Variants in TLE4 observed in about 807,000 individuals in gnomAD.
TLE4 encodes transducin-like enhancer protein 4.
A neutral mutation model predicts 92.8 loss-of-function variants in TLE4; 8 were observed. The observed-to-expected ratio is 0.09, with a 90% CI of 0.05 to 0.16. TLE4 has a LOEUF of 0.16. Ranked by LOEUF, TLE4 falls within the 10% of genes least tolerant of loss-of-function variation. The pLI is 1.00. For synonymous variants in TLE4, 371 were observed against 374.1 expected (o/e 0.99, Z 0.10); for missense variants, 675 against 997.6 (o/e 0.68, Z 4.36).
chr9:79,657,664 G>A (rs2059959773), intron 8 of TLE4, among the ~76,000 whole-genome samples: 2 of 152,160 alleles, frequency 1.3e-5, no homozygotes, highest in African/African-American at 4.8e-5. Flanking sequence ...ATGATTCAGA[G>A]CTGTGAAGGC....
At chr9:79,610,446 G>A (rs553380498) in intron 4 of TLE4, among the ~76,000 whole-genome samples, 35 of 152,158 alleles carry the variant, frequency 2.3e-4, no homozygotes, top group Admixed American at 4.6e-4. Flanking sequence ...CAAAAGAGGC[G>A]AAATTAGATG....
At chr9:79,669,824 C>G (rs1004701118) in intron 8 of TLE4, among the ~76,000 whole-genome samples, 2 of 152,090 alleles carry the variant, frequency 1.3e-5, no homozygotes, top group East Asian at 1.9e-4. Flanking sequence ...GCATCTTAAT[C>G]CTAGAGAGCA....
chr9:79,658,154 G>A (rs1465262434), intron 8 of TLE4, among the ~76,000 whole-genome samples: 1 of 152,092 alleles, frequency 6.6e-6, no homozygotes, highest in Non-Finnish European at 1.5e-5. Context: ...CATTTTTAGT[G>A]ACTTGTGCAG....
intron 4 of TLE4, among the ~76,000 whole-genome samples, chr9:79,595,849 C>CTTTTTTT (rs746656900): frequency 7.2e-6 from 1 of 138,596 alleles, no homozygotes; most frequent in African/African-American, 2.6e-5. Flanking sequence ...TTGCCATCTA[C>CTTTTTTT]TTTTTTTTTT....
chr9:79,650,897 T>C (rs1379747711), intron 6 of TLE4, among the ~76,000 whole-genome samples: 2 of 152,120 alleles, frequency 1.3e-5, no homozygotes, highest in African/African-American at 2.4e-5. Context: ...ACTTGGACTT[T>C]TGTAGTCAAA....
Position 79,707,251 on chromosome 9 carries a change from G to A in TLE4, c.936+352G>A, listed in dbSNP as rs141183833. 2.4e-4 allele frequency: 373 copies of A among 1,573,318 alleles called. No individual in the cohort carries two copies. In the African/African-American group the frequency reaches 4.5e-3, roughly 19 times the overall value. Reference sequence around the variant, plus strand: ...TAGTTTGGGGCTTGAATGTGATTTTGTTGCTAGCTTTGTTTGAATTACCAA... The same window carrying A: ...TAGTTTGGGGCTTGAATGTGATTTTATTGCTAGCTTTGTTTGAATTACCAA... On this transcript the variant is annotated intron_variant, in intron 11 of 19. Transcript: ENST00000376552.
At chr9:79,607,177 G>A (rs1262157078) in intron 4 of TLE4, among the ~76,000 whole-genome samples, 2 of 152,114 alleles carry the variant, frequency 1.3e-5, no homozygotes, top group African/African-American at 2.4e-5. Flanking sequence ...CTTCTTTTGC[G>A]AAGTGTCTGT....
intron 9 of TLE4, 114 bp from the exon 10 acceptor site, chr9:79,705,775 C>G: frequency 9.7e-7 from 1 of 1,033,122 alleles, no homozygotes; most frequent in East Asian, 2.4e-5. Context: ...GTATTTAACA[C>G]TGTTTGGTAC....
intron 6 of TLE4, among the ~76,000 whole-genome samples, chr9:79,635,906 G>T (rs1176567679): frequency 6.6e-6 from 1 of 152,104 alleles, no homozygotes; most frequent in Non-Finnish European, 1.5e-5. Context: ...TGAAGGGAAA[G>T]GGTCTAAGCT....
rs184788843 is a variant in TLE4, at chr9:79,697,728, G to A, written c.610-7055G>A. ...TTGATATCTTATAAATTATTAGAGC[G>A]TTTTATACTGACCAAGCAATACATA... On this transcript the variant is annotated intron_variant, in intron 8 of 19. Coordinates refer to ENST00000376552, the MANE Select transcript of TLE4 (RefSeq NM_007005.6). 4.7e-4 allele frequency among the ~76,000 whole-genome samples: 71 copies of A among 151,760 alleles called. No homozygotes were observed. In the East Asian group the frequency reaches 9.7e-3, roughly 21 times the overall value.
chr9:79,664,781 G>A (rs965388666), intron 8 of TLE4, among the ~76,000 whole-genome samples: 2 of 152,024 alleles, frequency 1.3e-5, no homozygotes, highest in Admixed American at 1.3e-4. Context: ...TACAGACTGT[G>A]TTCAGTTCCT....
chr9:79,676,450 T>G (rs2063272332), intron 8 of TLE4, among the ~76,000 whole-genome samples: 1 of 152,146 alleles, frequency 6.6e-6, no homozygotes, highest in Non-Finnish European at 1.5e-5. Context: ...AACACTGGAA[T>G]CAAGTTTTCT....
At chr9:79,644,300 C>T (rs1285826087) in intron 6 of TLE4, among the ~76,000 whole-genome samples, 17 of 152,066 alleles carry the variant, frequency 1.1e-4, no homozygotes, top group Admixed American at 1.1e-3. Context: ...CTGAGGCCTC[C>T]CCAGCCGTGC....
intron 7 of TLE4, among the ~76,000 whole-genome samples, chr9:79,653,202 A>G (rs2059287824): frequency 6.6e-6 from 1 of 152,230 alleles, no homozygotes; most frequent in Admixed American, 6.5e-5. Context: ...TATTATTTAT[A>G]AACAAATGAG....
chr9:79,588,444 C>G (rs930406953), intron 4 of TLE4, among the ~76,000 whole-genome samples: 1 of 152,130 alleles, frequency 6.6e-6, no homozygotes, highest in Non-Finnish European at 1.5e-5. Flanking sequence ...CCACCGCGCC[C>G]GGCCTATCCT....
At chr9:79,586,454 G>C (rs2041133453) in intron 4 of TLE4, among the ~76,000 whole-genome samples, 1 of 152,188 alleles carries the variant, frequency 6.6e-6, no homozygotes, top group Non-Finnish European at 1.5e-5. Context: ...TGTGCAAAGG[G>C]ACTATGTAGC....
At chr9:79,606,211 T>G (rs1473695936) in intron 4 of TLE4, among the ~76,000 whole-genome samples, 2 of 128,970 alleles carry the variant, frequency 1.6e-5, no homozygotes, top group African/African-American at 5.7e-5. Flanking sequence ...TTTTTTTTTT[T>G]TTTTTTTTTT....
intron 4 of TLE4, among the ~76,000 whole-genome samples, chr9:79,599,223 T>A (rs1187131919): frequency 6.6e-6 from 1 of 152,194 alleles, no homozygotes; most frequent in Non-Finnish European, 1.5e-5. Flanking sequence ...CCCCTTAGTG[T>A]GGCATTCAAG....
intron 6 of TLE4, among the ~76,000 whole-genome samples, chr9:79,636,958 G>C (rs998191612): frequency 6.6e-6 from 1 of 152,164 alleles, no homozygotes; most frequent in South Asian, 2.1e-4. Context: ...GATATTCTCC[G>C]TACAATTTTG....
Sources: allele counts gnomAD v4.1 joint callset (sites outside exome capture counted in the v4.1 genomes callset), GRCh38; gene constraint gnomAD v4.1.1; transcripts MANE v1.5; gene names NCBI Gene and HGNC (gene_info 2026-07-23, HGNC 2026-07-21).